MACROD2: variants seen among roughly 807,000 people sequenced by gnomAD.
MACROD2 encodes the protein ADP-ribose glycohydrolase MACROD2.
In MACROD2, 36 loss-of-function variants were observed where a neutral mutation model predicts 70.4. That is an observed-to-expected ratio of 0.51 (90% CI 0.39 to 0.68). MACROD2 has a LOEUF of 0.68. Among genes scored for constraint, MACROD2 ranks in the 30% least tolerant of loss-of-function variants. MACROD2 has a pLI of 0.00. For synonymous variants in MACROD2, 172 were observed against 178.8 expected (o/e 0.96, Z 0.30); for missense variants, 496 against 538.4 (o/e 0.92, Z 0.78).
Position 15,784,654 on chromosome 20 carries a change from G to A in MACROD2, c.646-78091G>A, listed in dbSNP as rs1310177390. ...TGGCAAAATAAAATAACAATAAAACGTGATTAATTTATTGATGAATGGATG... is the reference window on the plus strand; with the variant it reads ...TGGCAAAATAAAATAACAATAAAACATGATTAATTTATTGATGAATGGATG... On this transcript the variant is annotated intron_variant, in intron 8 of 17. Coordinates refer to ENST00000684519, the MANE Select transcript of MACROD2 (RefSeq NM_001351661.2). 2.0e-5 allele frequency among the ~76,000 whole-genome samples: 3 copies of A among 152,028 alleles called. No homozygotes were observed. In the South Asian group the frequency reaches 6.2e-4, roughly 32 times the overall value.
At chr20:15,928,994 AAC>A (rs869305986) in intron 10 of MACROD2, among the ~76,000 whole-genome samples, 3 of 148,316 alleles carry the variant, frequency 2.0e-5, no homozygotes, top group Non-Finnish European at 4.5e-5. Flanking sequence ...GACAAAAATA[AAC>A]ATGTGTATTA....
chr20:14,990,766 C>G (rs987128297), intron 5 of MACROD2, among the ~76,000 whole-genome samples: 6 of 152,066 alleles, frequency 3.9e-5, no homozygotes, highest in African/African-American at 1.4e-4. Context: ...CCCACCTCGG[C>G]CTCCCAAAGT....
At chr20:15,945,756 G>T (rs1396025231) in intron 12 of MACROD2, among the ~76,000 whole-genome samples, 6 of 152,172 alleles carry the variant, frequency 3.9e-5, no homozygotes. Flanking sequence ...CAGAAAGTTT[G>T]AATAGCTGGA....
intron 6 of MACROD2, among the ~76,000 whole-genome samples, chr20:15,376,128 A>C (rs1329283185): frequency 1.3e-5 from 2 of 152,176 alleles, no homozygotes; most frequent in African/African-American, 2.4e-5. Flanking sequence ...GAGACAGGCA[A>C]TATTGTTAAT....
At chr20:15,784,406 G>A (rs1046285519) in intron 8 of MACROD2, among the ~76,000 whole-genome samples, 5 of 152,082 alleles carry the variant, frequency 3.3e-5, no homozygotes, top group African/African-American at 1.2e-4. Context: ...TGCCCCAACA[G>A]ACCAAGTTAC....
At chr20:15,513,167 G>GT (rs151334919) in intron 8 of MACROD2, among the ~76,000 whole-genome samples, 330 of 152,288 alleles carry the variant, frequency 2.2e-3, no homozygotes, top group Non-Finnish European at 3.4e-3. Flanking sequence ...GATTTCAACT[G>GT]TTTTTTATAA....
At chr20:14,547,174 G>A (rs981916608) in intron 4 of MACROD2, 4 of 298,534 alleles carry the variant, frequency 1.3e-5, no homozygotes, top group Non-Finnish European at 2.3e-5. Context: ...AGTCAGATGA[G>A]AGAGCCTGGC....
chr20:15,600,069 C>T (rs456029), intron 8 of MACROD2, among the ~76,000 whole-genome samples: 20,560 of 151,988 alleles, frequency 0.14, 1,424 homozygotes, highest in East Asian at 0.17. Flanking sequence ...AATGGTGCAC[C>T]TTCCCCTCAC....
At chr20:15,941,494 GAA>G (rs11362358) in intron 12 of MACROD2, among the ~76,000 whole-genome samples, 10 of 151,270 alleles carry the variant, frequency 6.6e-5, no homozygotes, top group Non-Finnish European at 1.2e-4. Flanking sequence ...ACCTAGCTTA[GAA>G]AAAAAAAATC....
At position 15,980,175 on chromosome 20, in the gene MACROD2, CTAAGTTA is replaced by C. The variant is rs530137245; in HGVS notation, c.986-6550_986-6544del. On this transcript the variant is annotated intron_variant, in intron 13 of 17. Coordinates refer to ENST00000684519, the MANE Select transcript of MACROD2 (RefSeq NM_001351661.2). Reference sequence around the variant, plus strand: ...TGGAATCTATGAATAACATCGGTTTCTAAGTTATGAGTTGATTTTTAACTACTGGGTT... The same window carrying C: ...TGGAATCTATGAATAACATCGGTTTCTGAGTTGATTTTTAACTACTGGGTT... 8.9e-4 allele frequency among the ~76,000 whole-genome samples: 136 copies of C among 152,318 alleles called. 1 individual carries two copies. Among genetic ancestry groups the C allele is most frequent in the African/African-American group, 3.1e-3 (127 of 41,564 alleles).
chr20:14,553,965 A>G (rs1039336897), intron 4 of MACROD2, among the ~76,000 whole-genome samples: 1 of 152,178 alleles, frequency 6.6e-6, no homozygotes, highest in African/African-American at 2.4e-5. Context: ...CCTCAATGGC[A>G]TTATGAATCA....
intron 5 of MACROD2, among the ~76,000 whole-genome samples, chr20:14,936,191 G>A (rs534761020): frequency 2.4e-4 from 37 of 152,250 alleles, no homozygotes; most frequent in African/African-American, 8.2e-4. Flanking sequence ...AGGGCCTCTC[G>A]AAGGGTAACA....
intron 3 of MACROD2, among the ~76,000 whole-genome samples, chr20:14,400,702 C>G (rs1263028439): frequency 6.6e-6 from 1 of 152,160 alleles, no homozygotes; most frequent in Admixed American, 6.5e-5. Context: ...CTGCTTTTCT[C>G]TCAGGGATCA....
At chr20:15,441,732 A>C (rs1213426128) in intron 7 of MACROD2, among the ~76,000 whole-genome samples, 1 of 152,184 alleles carries the variant, frequency 6.6e-6, no homozygotes, top group African/African-American at 2.4e-5. Context: ...TCAAGGTAAA[A>C]GTGATTGAAG....
intron 4 of MACROD2, among the ~76,000 whole-genome samples, chr20:14,561,559 GT>G (rs1256446818): frequency 6.6e-6 from 1 of 151,692 alleles, no homozygotes; most frequent in Non-Finnish European, 1.5e-5. Context: ...TTCTACAGGG[GT>G]TTTCATTGTT....
intron 10 of MACROD2, among the ~76,000 whole-genome samples, chr20:15,905,240 G>A (rs2065129703): frequency 6.6e-6 from 1 of 152,172 alleles, no homozygotes; most frequent in Admixed American, 6.5e-5. Context: ...TCGTTTCACA[G>A]ATGAGGAAAC....
intron 6 of MACROD2, among the ~76,000 whole-genome samples, chr20:15,397,759 C>G (rs1400937762): frequency 3.3e-5 from 5 of 152,206 alleles, no homozygotes; most frequent in Admixed American, 3.3e-4. Flanking sequence ...AGCTTCAATG[C>G]GTACATCATG....
intron 3 of MACROD2, among the ~76,000 whole-genome samples, chr20:14,428,775 G>A (rs2083963007): frequency 6.6e-6 from 1 of 152,096 alleles, no homozygotes; most frequent in Non-Finnish European, 1.5e-5. Flanking sequence ...CATTGAAATG[G>A]TATGTGAAAC....
At chr20:14,446,914 T>C (rs1268029775) in intron 3 of MACROD2, among the ~76,000 whole-genome samples, 1 of 152,140 alleles carries the variant, frequency 6.6e-6, no homozygotes, top group Non-Finnish European at 1.5e-5. Flanking sequence ...ACTTATAAAC[T>C]GATACAACAG....
Sources: gnomAD v4.1 joint callset for allele counts (sites outside exome capture counted in the v4.1 genomes callset) on GRCh38, gnomAD v4.1.1 for gene constraint, MANE v1.5 for transcripts, NCBI Gene and HGNC (gene_info 2026-07-23, HGNC 2026-07-21) for gene names.